PHF12: variants seen among roughly 807,000 people sequenced by gnomAD.
The protein encoded by PHF12 is PHD factor 1.
In PHF12, 6 loss-of-function variants were observed where a neutral mutation model predicts 99.8. That is an observed-to-expected ratio of 0.06 (90% CI 0.03 to 0.12). The LOEUF (loss-of-function observed/expected upper bound fraction) is 0.12. PHF12 is among the 10% of genes least tolerant of loss of function. The probability of loss-of-function intolerance (pLI) is 1.00; values close to 1 mark genes in which losing one functional copy is unlikely to be tolerated. For synonymous variants in PHF12, 480 were observed against 514.9 expected, an observed-to-expected ratio of 0.93 and a Z score of 0.92; for missense variants, 954 against 1,300.1, an observed-to-expected ratio of 0.73 and a Z score of 4.09.
At chr17:28,932,220 C>T (rs901700925) in intron 2 of PHF12, among the ~76,000 whole-genome samples, 1 of 152,060 alleles carries the variant, frequency 6.6e-6, no homozygotes, top group African/African-American at 2.4e-5. Context: ...AAGCCTTGAC[C>T]CCCTAGGCTC....
chr17:28,921,372 G>T (rs1362020820), intron 5 of PHF12, among the ~76,000 whole-genome samples: 1 of 151,632 alleles, frequency 6.6e-6, no homozygotes, highest in Non-Finnish European at 1.5e-5. Flanking sequence ...TCACTGTGTT[G>T]CCCAGGTTGG....
At position 28,924,318 on chromosome 17, in the gene PHF12, G is replaced by T; in HGVS notation, c.322-16C>A. 2 of 1,614,114 alleles carry T rather than the reference G, an allele frequency of 1.2e-6. No homozygotes were observed. The highest frequency in any genetic ancestry group is 1.7e-6 in the Non-Finnish European group (2 of 1,180,034). On this transcript the variant is annotated splice_polypyrimidine_tract_variant and intron_variant, in intron 3 of 14. Transcript: ENST00000332830. ...GCTCTCGTTTCTGTGCAAATGAACA[G>T]GTGGGCCCATCATGAAAAGTACCAT...
chr17:28,928,575 A>C (rs1240983097), intron 2 of PHF12, among the ~76,000 whole-genome samples: 1 of 152,154 alleles, frequency 6.6e-6, no homozygotes, highest in Non-Finnish European at 1.5e-5. Context: ...TGAGATTGGA[A>C]GTTCAAGACC....
intron 8 of PHF12, 112 bp from the exon 9 acceptor site, chr17:28,913,389 ATGAATGCTCACAAAG>A: frequency 6.8e-7 from 1 of 1,481,206 alleles, no homozygotes; most frequent in East Asian, 2.3e-5. Context: ...AGGTCCCATC[ATGAATGCTCACAAAG>A]GGTGTGCTTG....
chr17:28,943,499 G>A (rs968036724), intron 2 of PHF12, among the ~76,000 whole-genome samples: 5 of 151,860 alleles, frequency 3.3e-5, no homozygotes, highest in Admixed American at 6.6e-5. Context: ...GCGTGGTGGC[G>A]GACATCTGTA....
Position 28,906,880 on chromosome 17 carries a change from C to T in PHF12, c.2656G>A (p.Val886Ile). The change falls in exon 14 of 15, where the codon GTT becomes ATT. Residue 886 changes from valine (V) to isoleucine (I), a missense_variant. Physicochemically the swap from Val to Ile is conservative, Grantham distance 29. Coordinates refer to ENST00000332830, the MANE Select transcript of PHF12 (RefSeq NM_001033561.2). The surrounding 1 kb of genome is among the most constrained non-coding windows in gnomAD (Gnocchi z 4.2). ...KTPPTPPSSIVAKVQSVIRRR... is the reference protein window; with the variant it reads ...KTPPTPPSSIIAKVQSVIRRR... The stretch of plus-strand genomic sequence containing the variant: ...CTGATGACACTCTGCACTTTGGCAA[C>T]AATACTGCTTGGGGGGGTTGGCGGG... 6.2e-7 allele frequency: 1 copy of T among 1,608,988 alleles called. No homozygotes were observed. The highest frequency in any genetic ancestry group is 1.3e-5 in the African/African-American group (1 of 74,806).
intron 2 of PHF12, among the ~76,000 whole-genome samples, chr17:28,933,249 C>A (rs554255273): frequency 6.6e-6 from 1 of 152,324 alleles, no homozygotes; most frequent in African/African-American, 2.4e-5. Context: ...TTTGTAAAGA[C>A]ATCAATGTGT....
intron 2 of PHF12, among the ~76,000 whole-genome samples, chr17:28,947,637 G>C (rs1009411492): frequency 6.6e-6 from 1 of 152,160 alleles, no homozygotes; most frequent in African/African-American, 2.4e-5. Flanking sequence ...TTGGTGGAAA[G>C]AGTGTGGCTT....
At chr17:28,907,040 G>A (rs1433121030) in intron 13 of PHF12, 46 bp from the exon 14 acceptor site, 4 of 1,560,188 alleles carry the variant, frequency 2.6e-6, no homozygotes, top group Admixed American at 1.8e-5. Flanking sequence ...GCTGTGTGGG[G>A]CCTGGGGCTA....
Position 28,917,453 on chromosome 17 carries a change from G to A in PHF12, c.970-4C>T, listed in dbSNP as rs190279058. On this transcript the variant is annotated splice_polypyrimidine_tract_variant and splice_region_variant and intron_variant, in intron 6 of 14. Transcript: ENST00000332830. ...GTGTCATATTCTTCTGGTTCAGCTA[G>A]GGACAAAGCAGACACAACCTTGTGG... 1.9e-5 allele frequency: 31 copies of A among 1,599,648 alleles called. 1 individual carries two copies. The South Asian group carries it at 3.0e-4, about 16-fold the overall frequency.
In PHF12 at chr17:28,950,091, G is replaced by A. The variant is rs766895790; in HGVS notation, c.222C>T (p.Cys74=). Reference sequence around the variant, plus strand: ...AGCACTGGAGGTGGAAGGCAGCCGGGCAGTGGTCGCAGCACAGGAGATCTC... The same window carrying A: ...AGCACTGGAGGTGGAAGGCAGCCGGACAGTGGTCGCAGCACAGGAGATCTC... The part of the protein sequence containing the change: ...EGGDLLCCDH[C]PAAFHLQCCN... Residue 74 remains cysteine (C), a synonymous_variant, in exon 2 of 15, where the codon TGC becomes TGT. Transcript: ENST00000332830. This position sits in a 1 kb window ranked among gnomAD's most constrained non-coding sequence, Gnocchi z 5.7. The A allele has an allele frequency of 2.5e-6, 4 of 1,613,056 alleles. No individual in the cohort carries two copies. Among genetic ancestry groups the A allele is most frequent in the Non-Finnish European group, 3.4e-6 (4 of 1,179,574 alleles).
intron 7 of PHF12, 57 bp downstream of exon 7, chr17:28,917,228 G>A (rs886371509): frequency 1.9e-6 from 3 of 1,609,680 alleles, no homozygotes; most frequent in African/African-American, 2.7e-5. Context: ...GTGATCCTCT[G>A]TCTAACCCAT....
chr17:28,921,078 G>A (rs2040155022), intron 5 of PHF12, among the ~76,000 whole-genome samples: 2 of 151,620 alleles, frequency 1.3e-5, no homozygotes, highest in Non-Finnish European at 2.9e-5. Flanking sequence ...TTGAGACAGG[G>A]TTTCACCATG....
chr17:28,907,230 C>T (rs2039886843), intron 13 of PHF12: 3 of 539,730 alleles, frequency 5.6e-6, no homozygotes, highest in Admixed American at 3.4e-5. Flanking sequence ...CTCTCAGCAC[C>T]GCTCCTCTTG....
Position 28,950,042 on chromosome 17 carries a change from C to T in PHF12, c.248+23G>A. ...GCAGAGAAGGGTCCGCCAAGAAGCT[C>T]CAAAAGGGTCCCCAGACCTTACCAG... On this transcript the variant is annotated intron_variant, in intron 2 of 14. Transcript: ENST00000332830. This position sits in a 1 kb window ranked among gnomAD's most constrained non-coding sequence, Gnocchi z 5.7. The T allele has an allele frequency of 6.4e-7, 1 of 1,571,288 alleles. No individual in the cohort carries two copies. The highest frequency in any genetic ancestry group is 1.8e-5 in the Admixed American group (1 of 55,432).
intron 2 of PHF12, among the ~76,000 whole-genome samples, chr17:28,934,676 T>C (rs530202983): frequency 6.6e-6 from 1 of 151,328 alleles, no homozygotes; most frequent in East Asian, 1.9e-4. Context: ...AATGGTGCGA[T>C]CTCTGCTCAC....
intron 2 of PHF12, among the ~76,000 whole-genome samples, chr17:28,945,733 T>C (rs2040709733): frequency 6.6e-6 from 1 of 152,234 alleles, no homozygotes; most frequent in Non-Finnish European, 1.5e-5. Context: ...CTGGTTATTC[T>C]AATTTTTAAC....
chr17:28,928,503 G>C (rs906709656), intron 2 of PHF12, among the ~76,000 whole-genome samples: 5 of 152,168 alleles, frequency 3.3e-5, no homozygotes, highest in Non-Finnish European at 5.9e-5. Context: ...CTAGGACAAT[G>C]ATTGGATCTC....
chr17:28,931,850 G>C (rs187452172), intron 2 of PHF12, among the ~76,000 whole-genome samples: 2 of 152,228 alleles, frequency 1.3e-5, no homozygotes, highest in Admixed American at 6.5e-5. Flanking sequence ...CCAAAGTACT[G>C]GGATTACAGG....
Sources: gnomAD v4.1 joint callset for allele counts (sites outside exome capture counted in the v4.1 genomes callset) on GRCh38, gnomAD v4.1.1 for gene constraint, Gnocchi (gnomAD v3.1) non-coding constraint, MANE v1.5 for transcripts, NCBI Gene and HGNC (gene_info 2026-07-23, HGNC 2026-07-21) for gene names.